Variants in KLHL7 observed in about 807,000 individuals in gnomAD.
KLHL7 encodes the protein kelch like family member 7, also known as kelch-like protein 7.
A neutral mutation model predicts 67.4 loss-of-function variants in KLHL7; 44 were observed. The ratio of observed to expected loss-of-function variants is 0.65; its 90% CI spans 0.51 to 0.84. The LOEUF (loss-of-function observed/expected upper bound fraction) is 0.84. Ranked by LOEUF, KLHL7 falls within the 40% of genes least tolerant of loss-of-function variation. The probability of loss-of-function intolerance (pLI) is 0.00; values close to 1 mark genes in which losing one functional copy is unlikely to be tolerated. For synonymous variants in KLHL7, 252 were observed against 243.3 expected (o/e 1.04, Z -0.33); for missense variants, 362 against 718.1 (o/e 0.50, Z 5.67).
intron 9 of KLHL7, among the ~76,000 whole-genome samples, chr7:23,169,306 A>G (rs990763935): frequency 6.6e-6 from 1 of 152,178 alleles, no homozygotes; most frequent in African/African-American, 2.4e-5. Context: ...ATAAAATATG[A>G]TTAATTATGT....
intron 4 of KLHL7, among the ~76,000 whole-genome samples, chr7:23,138,125 G>A (rs1394733492): frequency 3.3e-5 from 5 of 151,848 alleles, no homozygotes; most frequent in African/African-American, 1.2e-4. Flanking sequence ...GCAGTGAGCC[G>A]AGTTCGTGCC....
Position 23,177,317 on chromosome 7 carries a change from A to G in KLHL7, c.*3019A>G, listed in dbSNP as rs1261464211. The G allele has an allele frequency of 6.6e-6, 1 of 152,238 alleles. No homozygotes were observed. Among genetic ancestry groups the G allele is most frequent in the Non-Finnish European group, 1.5e-5 (1 of 68,040 alleles). The allele number at this position is 152,238 out of a possible 1,614,324, so 9.4% of individuals were successfully genotyped here. On this transcript the variant is annotated 3_prime_UTR_variant, in exon 11 of 11. Coordinates refer to ENST00000339077, the MANE Select transcript of KLHL7 (RefSeq NM_001031710.3). ...TAGCTATATAATTTGACAATCTCCT[A>G]TGTAGAATATACAGTACCTGTCTAA...
chr7:23,130,640 T>G (rs1455617374), intron 4 of KLHL7, among the ~76,000 whole-genome samples: 1 of 152,204 alleles, frequency 6.6e-6, no homozygotes, highest in Non-Finnish European at 1.5e-5. Flanking sequence ...TTGAATGAAT[T>G]TTCAATGGAA....
intron 7 of KLHL7, among the ~76,000 whole-genome samples, chr7:23,158,541 A>G (rs6461698): frequency 1.2e-4 from 19 of 152,340 alleles, no homozygotes; most frequent in African/African-American, 4.1e-4. Flanking sequence ...TGATCCAGCT[A>G]TAAAAGATAA....
At chr7:23,129,102 C>T (rs1038986714) in intron 4 of KLHL7, 1 of 152,812 alleles carries the variant, frequency 6.5e-6, no homozygotes, top group Non-Finnish European at 1.5e-5. Context: ...GGGACCTTGG[C>T]TGTGGATCAG....
intron 7 of KLHL7, among the ~76,000 whole-genome samples, chr7:23,160,762 A>G (rs1784833313): frequency 6.6e-6 from 1 of 152,214 alleles, no homozygotes. Flanking sequence ...AAGGAGGTTA[A>G]TATGTTTCCA....
At chr7:23,153,227 G>A (rs1583708911) in intron 7 of KLHL7, among the ~76,000 whole-genome samples, 1 of 151,290 alleles carries the variant, frequency 6.6e-6, no homozygotes, top group Non-Finnish European at 1.5e-5. Context: ...GAGGCGGCGG[G>A]GGGGCTACAA....
chr7:23,138,416 C>T (rs1408103190), intron 4 of KLHL7, among the ~76,000 whole-genome samples: 8 of 132,536 alleles, frequency 6.0e-5, no homozygotes, highest in East Asian at 2.5e-4. Context: ...GAGCCGAGAT[C>T]GGGCCACTGC....
intron 1 of KLHL7, among the ~76,000 whole-genome samples, chr7:23,110,558 C>G (rs1193994721): frequency 6.6e-6 from 1 of 152,028 alleles, no homozygotes; most frequent in Non-Finnish European, 1.5e-5. Context: ...ATACTTCTCT[C>G]CCCCCATTAA....
chr7:23,170,083 G>A (rs960471239), intron 9 of KLHL7, among the ~76,000 whole-genome samples: 4 of 152,062 alleles, frequency 2.6e-5, no homozygotes, highest in South Asian at 2.1e-4. Flanking sequence ...GCGTGGTGGC[G>A]CGTGCCTGTA....
chr7:23,140,570 AC>A, intron 4 of KLHL7, 198 bp from the exon 5 acceptor site: 2 of 619,570 alleles, frequency 3.2e-6, no homozygotes, highest in African/African-American at 5.8e-5. Context: ...AAACAAAAAA[AC>A]AAAAAACAAA....
chr7:23,141,224 G>A (rs1242488472), intron 5 of KLHL7, among the ~76,000 whole-genome samples: 1 of 152,204 alleles, frequency 6.6e-6, no homozygotes, highest in African/African-American at 2.4e-5. Context: ...ATACCTGTGT[G>A]GCAGATAGGA....
At chr7:23,153,230 G>A (rs55788996) in intron 7 of KLHL7, among the ~76,000 whole-genome samples, 57,433 of 151,690 alleles carry the variant, frequency 0.38, 11,311 homozygotes, top group African/African-American at 0.48. Flanking sequence ...GCGGCGGGGG[G>A]GCTACAACGC....
Position 23,140,203 on chromosome 7 carries a change from A to G in KLHL7, c.443-566A>G, listed in dbSNP as rs371088016. The stretch of plus-strand genomic sequence containing the variant: ...TTTTAAAATTTGTCTGCAAGAGAAA[A>G]TGTTTAACAATAGCCAAGAAAAGTT... On this transcript the variant is annotated intron_variant, in intron 4 of 10. Coordinates refer to ENST00000339077, the MANE Select transcript of KLHL7 (RefSeq NM_001031710.3). Among the ~76,000 whole-genome samples the G allele has an allele frequency of 1.2e-4, 19 of 152,342 alleles. No individual in the cohort carries two copies. The East Asian group carries it at 3.5e-3, about 28-fold the overall frequency.
chr7:23,134,663 T>C (rs1204112311), intron 4 of KLHL7, among the ~76,000 whole-genome samples: 6 of 152,306 alleles, frequency 3.9e-5, no homozygotes, highest in African/African-American at 1.4e-4. Flanking sequence ...TTTGTATTAC[T>C]TCCTGATTCA....
intron 4 of KLHL7, among the ~76,000 whole-genome samples, chr7:23,134,721 C>G (rs1001646062): frequency 6.6e-6 from 1 of 152,012 alleles, no homozygotes; most frequent in Admixed American, 6.6e-5. Context: ...TCTAAATTTT[C>G]CAATTTATAG....
At chr7:23,113,845 T>C (rs1782977897) in intron 1 of KLHL7, among the ~76,000 whole-genome samples, 1 of 152,140 alleles carries the variant, frequency 6.6e-6, no homozygotes, top group African/African-American at 2.4e-5. Flanking sequence ...CCCCCGAATA[T>C]TGAAGGGAGC....
At chr7:23,113,943 G>A (rs1409506254) in intron 1 of KLHL7, among the ~76,000 whole-genome samples, 2 of 152,186 alleles carry the variant, frequency 1.3e-5, no homozygotes, top group African/African-American at 4.8e-5. Flanking sequence ...TAGCTTATTT[G>A]AGAATGAATT....
chr7:23,159,999 T>C (rs372866828), intron 7 of KLHL7, among the ~76,000 whole-genome samples: 3 of 152,198 alleles, frequency 2.0e-5, no homozygotes, highest in African/African-American at 7.2e-5. Context: ...CATATTTAAA[T>C]ACAAAAATGC....
Sources: gnomAD v4.1 joint callset for allele counts (sites outside exome capture counted in the v4.1 genomes callset) on GRCh38, gnomAD v4.1.1 for gene constraint, MANE v1.5 for transcripts, NCBI Gene and HGNC (gene_info 2026-07-23, HGNC 2026-07-21) for gene names.